Variants in NPRL3 observed in about 807,000 individuals in gnomAD.
NPRL3 encodes the protein GATOR1 complex protein NPRL3.
NPRL3 carries 23 observed loss-of-function variants against 57.2 expected under a neutral mutation model. The observed-to-expected ratio is 0.40, with a 90% CI of 0.29 to 0.57. The LOEUF is 0.57. Among genes scored for constraint, NPRL3 ranks in the 20% least tolerant of loss-of-function variants. The pLI is 0.42. For synonymous variants in NPRL3, 333 were observed against 321.1 expected (o/e 1.04, Z -0.39); for missense variants, 691 against 767.1 (o/e 0.90, Z 1.17).
At chr16:87,149 T>A (rs560477387) in intron 13 of NPRL3, among the ~76,000 whole-genome samples, 1 of 152,322 alleles carries the variant, frequency 6.6e-6, no homozygotes, top group Non-Finnish European at 1.5e-5. Context: ...CGTCCTGATG[T>A]TGGGACCAGG....
At chr16:134,703 T>A (rs1004010906) in intron 2 of NPRL3, among the ~76,000 whole-genome samples, 2,075 of 132,212 alleles carry the variant, frequency 0.016, 60 homozygotes, top group African/African-American at 0.052. Context: ...TATTTTTTTT[T>A]TTTTTTTTTT....
intron 6 of NPRL3, among the ~76,000 whole-genome samples, chr16:111,695 T>C (rs1172462854): frequency 1.3e-5 from 2 of 152,046 alleles, no homozygotes; most frequent in East Asian, 1.9e-4. Flanking sequence ...TCAAGCAATC[T>C]ACCTGCCTCA....
chr16:93,128 TG>T, intron 10 of NPRL3, 90 bp downstream of exon 10: 1 of 866,670 alleles, frequency 1.2e-6, no homozygotes, highest in Non-Finnish European at 1.9e-6. Flanking sequence ...CTTTGGTGCC[TG>T]GCCAACACAG....
At chr16:117,396 T>C in intron 4 of NPRL3, 21 bp from the exon 5 acceptor site, 1 of 1,555,284 alleles carries the variant, frequency 6.4e-7, no homozygotes, top group Non-Finnish European at 8.8e-7. Context: ...TGCATAATTC[T>C]AATTAATTGA....
chr16:96,940 T>C (rs192362788), intron 9 of NPRL3, among the ~76,000 whole-genome samples: 3 of 131,564 alleles, frequency 2.3e-5, no homozygotes, highest in Admixed American at 8.1e-5. Context: ...TCAGGCCTTG[T>C]TGGACAAGTT....
rs539622161 is a variant in NPRL3 at position 119,422 on chromosome 16, A to G, written c.189-167T>C. 128 of 652,946 alleles carry G rather than the reference A, an allele frequency of 2.0e-4. 2 individuals carry two copies. In the South Asian group the frequency reaches 2.3e-3, roughly 12 times the overall value. The allele number at this position is 652,946 out of a possible 1,614,324, so 40.4% of individuals were successfully genotyped here. ...ACAGTTGCCCTTCTGTAGCAATCCC[A>G]GAGGTTATGGATGTAAGATCACCAG... is the stretch of plus-strand genomic sequence containing the variant. On this transcript the variant is annotated intron_variant, in intron 3 of 13. Transcript: ENST00000611875.
At chr16:88,611 T>G in intron 13 of NPRL3, 87 bp downstream of exon 13, 1 of 1,176,152 alleles carries the variant, frequency 8.5e-7, no homozygotes, top group Non-Finnish European at 1.2e-6. Flanking sequence ...CTCAGTGGAT[T>G]TGGTGGTTCT....
At chr16:100,990 A>AAAAAAAAAAAAT (rs1899274690) in intron 7 of NPRL3, among the ~76,000 whole-genome samples, 1 of 145,132 alleles carries the variant, frequency 6.9e-6, no homozygotes, top group Non-Finnish European at 1.5e-5. Flanking sequence ...AAAAAAAAAA[A>AAAAAAAAAAAAT]GGAAGAAGAA....
At chr16:122,617 C>CA (rs764610802) in intron 3 of NPRL3, among the ~76,000 whole-genome samples, 14 of 152,142 alleles carry the variant, frequency 9.2e-5, no homozygotes, top group Non-Finnish European at 1.8e-4. Flanking sequence ...ACATCTGTTA[C>CA]AAAAACTGAA....
At chr16:117,117 T>C (rs1428249562) in intron 5 of NPRL3, among the ~76,000 whole-genome samples, 184 bp downstream of exon 5, 8 of 152,036 alleles carry the variant, frequency 5.3e-5, no homozygotes, top group East Asian at 1.9e-4. Flanking sequence ...AAATGACAAA[T>C]AGTGTTATGT....
At chr16:130,647 A>C (rs1422461440) in intron 2 of NPRL3, 56 bp from the exon 3 acceptor site, 132 of 1,513,920 alleles carry the variant, frequency 8.7e-5, no homozygotes, top group Non-Finnish European at 1.1e-4. Context: ...TTCCACACAC[A>C]GGAGGGTTAT....
intron 3 of NPRL3, among the ~76,000 whole-genome samples, chr16:119,751 C>G (rs760267146): frequency 6.6e-6 from 1 of 152,248 alleles, no homozygotes; most frequent in Non-Finnish European, 1.5e-5. Context: ...GGGATGCGTG[C>G]AGAGCGCTGA....
chr16:112,033 AC>A (rs1488833844), intron 6 of NPRL3, among the ~76,000 whole-genome samples: 1 of 152,164 alleles, frequency 6.6e-6, no homozygotes, highest in Non-Finnish European at 1.5e-5. Context: ...TTAGTTGATA[AC>A]CCAATTAGGT....
intron 5 of NPRL3, among the ~76,000 whole-genome samples, chr16:115,761 C>T (rs1373401057): frequency 2.0e-5 from 3 of 152,218 alleles, no homozygotes; most frequent in Admixed American, 1.3e-4. Context: ...GCTGGTATTA[C>T]AGGCGTAAGC....
intron 9 of NPRL3, among the ~76,000 whole-genome samples, chr16:96,251 A>T (rs1347437390): frequency 6.6e-6 from 1 of 152,074 alleles, no homozygotes; most frequent in Non-Finnish European, 1.5e-5. Context: ...GACAGCAAGG[A>T]TGAGAGGCAC....
chr16:121,639 T>C (rs1185213866), intron 3 of NPRL3, among the ~76,000 whole-genome samples: 6 of 151,110 alleles, frequency 4.0e-5, no homozygotes, highest in African/African-American at 2.4e-5. Flanking sequence ...AACAGTCACA[T>C]TGACTTAGTG....
chr16:85,789 G>T lies in NPRL3; in HGVS notation c.*916C>A. The T allele has an allele frequency of 6.8e-7, 1 of 1,468,224 alleles. No homozygotes were observed. Among genetic ancestry groups the T allele is most frequent in the Non-Finnish European group, 9.0e-7 (1 of 1,107,968 alleles). The allele number at this position is 1,468,224 out of a possible 1,614,324, so 90.9% of individuals were successfully genotyped here. On this transcript the variant is annotated 3_prime_UTR_variant, in exon 14 of 14. Coordinates refer to ENST00000611875, the MANE Select transcript of NPRL3 (RefSeq NM_001077350.3). ...ACACACAGGCCTGAGCAAAGGGCCT[G>T]CCCAGACAAGATTTTTTAATTGTTT...
At chr16:127,359 C>T (rs72763666) in intron 3 of NPRL3, 6,219 of 152,190 alleles carry the variant, frequency 0.041, 182 homozygotes, top group Middle Eastern at 0.097. Context: ...CCTCAGCCTC[C>T]GCAGTGGCTG....
intron 2 of NPRL3, among the ~76,000 whole-genome samples, chr16:136,805 G>A (rs543340423): frequency 6.6e-6 from 1 of 152,096 alleles, no homozygotes; most frequent in African/African-American, 2.4e-5. Flanking sequence ...AGGGCTGGGG[G>A]CCAATAGTAG....
Sources: gnomAD v4.1 joint callset for allele counts (sites outside exome capture counted in the v4.1 genomes callset) on GRCh38, gnomAD v4.1.1 for gene constraint, MANE v1.5 for transcripts, NCBI Gene and HGNC (gene_info 2026-07-23, HGNC 2026-07-21) for gene names.